MEGF8: variants seen among roughly 807,000 people sequenced by gnomAD.
MEGF8 encodes multiple EGF like domains 8.
MEGF8 carries 156 observed loss-of-function variants against 302.9 expected under a neutral mutation model. The ratio of observed to expected loss-of-function variants is 0.52; its 90% CI spans 0.45 to 0.59. The LOEUF is 0.59. MEGF8 is among the 20% of genes least tolerant of loss of function. The pLI, the probability that MEGF8 is intolerant of heterozygous loss-of-function variation, is 0.00. For missense variants in MEGF8, 3,345 were observed against 3,964.5 expected (o/e 0.84, Z 4.20); for synonymous variants, 1,621 against 1,660.5 (o/e 0.98, Z 0.58).
rs1387597740 is a variant in MEGF8, at chr19:42,375,062, G to A, written c.7270-445G>A. ...AGGCGAGGCTGGCTGACCCTGCGCC[G>A]AGTGCCATGCACATGATCTCAGTGG... On this transcript the variant is annotated intron_variant, in intron 41 of 41. Coordinates refer to ENST00000251268, the MANE Select transcript of MEGF8 (RefSeq NM_001271938.2). The surrounding 1 kb of genome is among the most constrained non-coding windows in gnomAD (Gnocchi z 7.1). 2.0e-5 allele frequency among the ~76,000 whole-genome samples: 3 copies of A among 152,162 alleles called. No individual in the cohort carries two copies. The highest frequency in any genetic ancestry group is 2.1e-4 in the South Asian group (1 of 4,824).
Position 42,356,214 on chromosome 19 carries a change from G to A in MEGF8, c.4503+21G>A, listed in dbSNP as rs1157102033. 3 of 1,516,874 alleles carry A rather than the reference G, an allele frequency of 2.0e-6. No homozygotes were observed. Among genetic ancestry groups the A allele is most frequent in the Non-Finnish European group, 2.7e-6 (3 of 1,127,490 alleles). The allele number at this position is 1,516,874 out of a possible 1,614,324, so 94.0% of individuals were successfully genotyped here. ...CAGCCGTGAGTTGTGGGTACCCGCT[G>A]TCTAGGGATGGTTGCTCCCAGGTCG... On this transcript the variant is annotated intron_variant, in intron 25 of 41. Coordinates refer to ENST00000251268, the MANE Select transcript of MEGF8 (RefSeq NM_001271938.2). The surrounding 1 kb of genome is among the most constrained non-coding windows in gnomAD (Gnocchi z 5.2).
At chr19:42,333,567 C>A in intron 1 of MEGF8, 38 bp from the exon 2 acceptor site, 2 of 1,592,670 alleles carry the variant, frequency 1.3e-6, no homozygotes, top group South Asian at 1.1e-5. Flanking sequence ...GGGAGAAGGT[C>A]CGCTTTAGAG....
Position 42,359,102 on chromosome 19 carries a change from G to A in MEGF8, c.5348G>A (p.Arg1783His), listed in dbSNP as rs183945597. The A allele has an allele frequency of 7.4e-5, 49 of 659,706 alleles. No homozygotes were observed. Among genetic ancestry groups the A allele is most frequent in the Admixed American group, 9.8e-5 (3 of 30,532 alleles). The allele number at this position is 659,706 out of a possible 1,614,324, so 40.9% of individuals were successfully genotyped here. Reference protein sequence around the residue: ...EEISPHLKEPRPRLFHASALL... With the variant: ...EEISPHLKEPHPRLFHASALL... ...CACCCCCCGTCTCCCCAACAGCCCC[G>A]CCCCCGGCTTTTCCACGCCTCAGCC... Residue 1783 changes from arginine to histidine, a missense_variant, in exon 31 of 42, where the codon CGC (arginine) becomes CAC (histidine). Coordinates refer to ENST00000251268, the MANE Select transcript of MEGF8 (RefSeq NM_001271938.2).
chr19:42,370,852 G>A (rs776741175), intron 40 of MEGF8, 21 bp downstream of exon 40: 3 of 198,812 alleles, frequency 1.5e-5, no homozygotes, highest in South Asian at 9.2e-5. Flanking sequence ...CCGGGGGGGG[G>A]GGGGGGGGGG....
At position 42,378,761 on chromosome 19, in the gene MEGF8, G is replaced by A. The variant is rs1248681174; in HGVS notation, c.*1986G>A. The A allele has an allele frequency of 6.5e-6, 1 of 153,444 alleles. No individual in the cohort carries two copies. Among genetic ancestry groups the A allele is most frequent in the Non-Finnish European group, 1.5e-5 (1 of 68,056 alleles). The allele number at this position is 153,444 out of a possible 1,614,324, so 9.5% of individuals were successfully genotyped here. A position where few individuals can be genotyped will look rare whatever the true frequency, so the allele number is the denominator to read the frequency against. On this transcript the variant is annotated 3_prime_UTR_variant, in exon 42 of 42. Coordinates refer to ENST00000251268, the MANE Select transcript of MEGF8 (RefSeq NM_001271938.2). ...GAAATTAACAAATAAAAAGTATGGG[G>A]AAAACCCAGGTGTCTGAGCGCGTCT...
chr19:42,361,018 GAC>G lies in MEGF8; in HGVS notation c.5720+13_5720+14del. ...GATCAGGCCCACAGGTAACCATGGC[GAC>G]CATGACAGGCAGTGGGGAGTGGAGC... On this transcript the variant is annotated intron_variant, in intron 32 of 41. Transcript: ENST00000251268. The G allele has an allele frequency of 6.5e-7, 1 of 1,533,830 alleles. No individual in the cohort carries two copies. The highest frequency in any genetic ancestry group is 8.8e-7 in the Non-Finnish European group (1 of 1,140,562).
In MEGF8 at chr19:42,376,970, C is replaced by T. The variant is rs2039778887; in HGVS notation, c.*195C>T. The T allele has an allele frequency of 3.7e-6, 2 of 544,052 alleles. No individual in the cohort carries two copies. The highest frequency in any genetic ancestry group is 3.8e-5 in the Admixed American group (1 of 26,184). The allele number at this position is 544,052 out of a possible 1,614,324, so 33.7% of individuals were successfully genotyped here. A position where few individuals can be genotyped will look rare whatever the true frequency, so the allele number is the denominator to read the frequency against. ...TATCGAGTACCTACTCTGTCAGGCA[C>T]TGTCATAGGCGTGGGGCAAAGCAGG... On this transcript the variant is annotated 3_prime_UTR_variant, in exon 42 of 42. Coordinates refer to ENST00000251268, the MANE Select transcript of MEGF8 (RefSeq NM_001271938.2). This position sits in a 1 kb window ranked among gnomAD's most constrained non-coding sequence, Gnocchi z 8.2.
At position 42,352,655 on chromosome 19, in the gene MEGF8, G is replaced by A; in HGVS notation, c.3350+199G>A. Reference sequence around the variant, plus strand: ...TAACCCTGGTTACCATGGAAATGGGGCACCCATAGGCTGTGGGCCATAGTC... The same window carrying A: ...TAACCCTGGTTACCATGGAAATGGGACACCCATAGGCTGTGGGCCATAGTC... On this transcript the variant is annotated intron_variant, in intron 19 of 41. Transcript: ENST00000251268. The surrounding 1 kb of genome is among the most constrained non-coding windows in gnomAD (Gnocchi z 4.4). 5.6e-6 allele frequency: 4 copies of A among 719,632 alleles called. No individual in the cohort carries two copies. The highest frequency in any genetic ancestry group is 2.7e-5 in the East Asian group (1 of 36,702). The allele number at this position is 719,632 out of a possible 1,614,324, so 44.6% of individuals were successfully genotyped here. A position where few individuals can be genotyped will look rare whatever the true frequency, so the allele number is the denominator to read the frequency against.
At position 42,369,872 on chromosome 19, in the gene MEGF8, G is replaced by A; in HGVS notation, c.6834+149G>A. 1 of 971,632 alleles carries A rather than the reference G, an allele frequency of 1.0e-6. No individual in the cohort carries two copies. The highest frequency in any genetic ancestry group is 1.5e-6 in the Non-Finnish European group (1 of 671,808). The allele number at this position is 971,632 out of a possible 1,614,324, so 60.2% of individuals were successfully genotyped here. A position where few individuals can be genotyped will look rare whatever the true frequency, so the allele number is the denominator to read the frequency against. On this transcript the variant is annotated intron_variant, in intron 38 of 41. Transcript: ENST00000251268. This position sits in a 1 kb window ranked among gnomAD's most constrained non-coding sequence, Gnocchi z 5.7. ...GCCCTGTCCCAGGGAGATGTGTGGA[G>A]ACTTGGGGGACGCTGCCTGGGTTTG...
Position 42,333,783 on chromosome 19 carries a change from G to A in MEGF8, c.351+15G>A, listed in dbSNP as rs1361746962. 1.2e-6 allele frequency: 2 copies of A among 1,611,994 alleles called. No individual in the cohort carries two copies. Among genetic ancestry groups the A allele is most frequent in the African/African-American group, 2.7e-5 (2 of 74,898 alleles). Reference sequence around the variant, plus strand: ...CCTCAGGCAAGGTTAGTGGGGATGGGGCCGTGGCAGATACACCGAGGGAAA... The same window carrying A: ...CCTCAGGCAAGGTTAGTGGGGATGGAGCCGTGGCAGATACACCGAGGGAAA... On this transcript the variant is annotated intron_variant, in intron 2 of 41. Coordinates refer to ENST00000251268, the MANE Select transcript of MEGF8 (RefSeq NM_001271938.2).
intron 1 of MEGF8, among the ~76,000 whole-genome samples, chr19:42,327,148 G>A (rs953199019): frequency 2.0e-5 from 3 of 152,234 alleles, no homozygotes; most frequent in South Asian, 2.1e-4. Context: ...CATGCCTGAT[G>A]TGTGGCATAT....
chr19:42,338,304 A>G (rs936333797), intron 8 of MEGF8, among the ~76,000 whole-genome samples: 6 of 151,386 alleles, frequency 4.0e-5, no homozygotes, highest in Admixed American at 6.6e-5. Context: ...CAGTGGTGCA[A>G]TCTTGGCTCA....
intron 1 of MEGF8, among the ~76,000 whole-genome samples, chr19:42,329,077 G>C (rs1311508273): frequency 1.3e-5 from 2 of 152,200 alleles, no homozygotes; most frequent in African/African-American, 4.8e-5. Flanking sequence ...TGGGAAAAGG[G>C]AGCAAACAGC....
In MEGF8 at chr19:42,369,785, C is replaced by A; in HGVS notation, c.6834+62C>A. The A allele has an allele frequency of 6.7e-7, 1 of 1,502,230 alleles. No homozygotes were observed. Among genetic ancestry groups the A allele is most frequent in the South Asian group, 1.2e-5 (1 of 81,270 alleles). 93.1% of individuals were successfully genotyped at this position (1,502,230 alleles called of 1,614,324 possible). A position where few individuals can be genotyped will look rare whatever the true frequency, so the allele number is the denominator to read the frequency against. ...ACCCAGGCCCTCACTTGCCTTCATC[C>A]CACGCTCAGGCGGCTCGCATCTCAT... On this transcript the variant is annotated intron_variant, in intron 38 of 41. Coordinates refer to ENST00000251268, the MANE Select transcript of MEGF8 (RefSeq NM_001271938.2). This position sits in a 1 kb window ranked among gnomAD's most constrained non-coding sequence, Gnocchi z 5.7.
At chr19:42,333,529 C>A in intron 1 of MEGF8, 76 bp from the exon 2 acceptor site, 1 of 1,464,634 alleles carries the variant, frequency 6.8e-7, no homozygotes, top group Non-Finnish European at 9.4e-7. Flanking sequence ...GTTTGGTGTA[C>A]AATTGTGGGA....
In MEGF8 at chr19:42,357,295, C is replaced by T; in HGVS notation, c.4831-109C>T. The T allele has an allele frequency of 7.4e-7, 1 of 1,348,836 alleles. No individual in the cohort carries two copies. Among genetic ancestry groups the T allele is most frequent in the Non-Finnish European group, 1.0e-6 (1 of 982,806 alleles). 83.6% of individuals were successfully genotyped at this position (1,348,836 alleles called of 1,614,324 possible). ...TCCGACTGGCCCTGGGGGGGTCATTCCCTCCTTAGTACTTCAGGGAGGACT... is the reference window on the plus strand; with the variant it reads ...TCCGACTGGCCCTGGGGGGGTCATTTCCTCCTTAGTACTTCAGGGAGGACT... On this transcript the variant is annotated intron_variant, in intron 27 of 41. Transcript: ENST00000251268. The surrounding 1 kb of genome is among the most constrained non-coding windows in gnomAD (Gnocchi z 5.2).
Position 42,377,080 on chromosome 19 carries a change from G to A in MEGF8, c.*305G>A, listed in dbSNP as rs1463642210. ...CAGTGCACATGCACACACCCCACACGCATACACACATGAACACATGCACAT... is the reference window on the plus strand; with the variant it reads ...CAGTGCACATGCACACACCCCACACACATACACACATGAACACATGCACAT... On this transcript the variant is annotated 3_prime_UTR_variant, in exon 42 of 42. Coordinates refer to ENST00000251268, the MANE Select transcript of MEGF8 (RefSeq NM_001271938.2). 6 of 366,546 alleles carry A rather than the reference G, an allele frequency of 1.6e-5. No homozygotes were observed. The highest frequency in any genetic ancestry group is 4.2e-5 in the African/African-American group (2 of 47,884). 22.7% of individuals were successfully genotyped at this position (366,546 alleles called of 1,614,324 possible). A position where few individuals can be genotyped will look rare whatever the true frequency, so the allele number is the denominator to read the frequency against.
intron 41 of MEGF8, among the ~76,000 whole-genome samples, chr19:42,372,359 T>C (rs974998606): frequency 1.3e-5 from 2 of 152,228 alleles, no homozygotes; most frequent in Non-Finnish European, 2.9e-5. Flanking sequence ...CTTTTTCTTC[T>C]GCACAGAGGC....
intron 38 of MEGF8, 81 bp from the exon 39 acceptor site, chr19:42,370,108 G>T: frequency 6.7e-7 from 1 of 1,484,022 alleles, no homozygotes; most frequent in South Asian, 1.3e-5. Context: ...TGGGCTCTCA[G>T]AACCTGCCCC....
Sources: allele counts gnomAD v4.1 joint callset (sites outside exome capture counted in the v4.1 genomes callset), GRCh38; gene constraint gnomAD v4.1.1; non-coding constraint Gnocchi (gnomAD v3.1); transcripts MANE v1.5; gene names NCBI Gene and HGNC (gene_info 2026-07-23, HGNC 2026-07-21).